The following CDC42BPA variants were observed in gnomAD, a reference collection of about 807,000 sequenced individuals.
CDC42BPA encodes the protein serine/threonine-protein kinase MRCK alpha.
CDC42BPA carries 80 observed loss-of-function variants against 223.5 expected under a neutral mutation model. The observed-to-expected ratio is 0.36, with a 90% confidence interval of 0.30 to 0.43. The LOEUF (loss-of-function observed/expected upper bound fraction) is 0.43, where lower values mean the gene tolerates loss of function less well. Among genes scored for constraint, CDC42BPA ranks in the 20% least tolerant of loss-of-function variants. The probability of loss-of-function intolerance (pLI) is 1.00; values close to 1 mark genes in which losing one functional copy is unlikely to be tolerated. For missense variants in CDC42BPA, 1,743 were observed against 2,099.9 expected, an observed-to-expected ratio of 0.83 and a Z score of 3.32; for synonymous variants, 694 against 718.6, an observed-to-expected ratio of 0.97 and a Z score of 0.55.
At chr1:227,110,061 T>C (rs1487671669) in intron 14 of CDC42BPA, among the ~76,000 whole-genome samples, 6 of 152,162 alleles carry the variant, frequency 3.9e-5, no homozygotes, top group South Asian at 2.1e-4. Flanking sequence ...AATCCACGAA[T>C]GCAGAACTCA....
chr1:227,068,719 C>G (rs766357168), intron 21 of CDC42BPA: 1 of 1,072,454 alleles, frequency 9.3e-7, no homozygotes, highest in South Asian at 1.8e-5. Context: ...ACGAATACAG[C>G]AATAAAAAAA....
At chr1:227,233,332 C>T (rs1189925817) in intron 2 of CDC42BPA, among the ~76,000 whole-genome samples, 1 of 152,046 alleles carries the variant, frequency 6.6e-6, no homozygotes, top group Non-Finnish European at 1.5e-5. Flanking sequence ...CCACCACGCC[C>T]GGCCTCTATT....
chr1:227,040,261 C>A (rs1348161611), intron 23 of CDC42BPA, 25 bp from the exon 24 acceptor site: 2 of 1,408,336 alleles, frequency 1.4e-6, no homozygotes, highest in East Asian at 2.3e-5. Context: ...GATAAAAAAA[C>A]ACACAGATTG....
intron 2 of CDC42BPA, among the ~76,000 whole-genome samples, chr1:227,228,829 T>G (rs558517277): frequency 6.6e-6 from 1 of 152,196 alleles, no homozygotes; most frequent in South Asian, 2.1e-4. Context: ...ATAACTTCTT[T>G]GGAGAAACAG....
At chr1:227,223,171 G>C (rs1479343791) in intron 2 of CDC42BPA, among the ~76,000 whole-genome samples, 5 of 149,382 alleles carry the variant, frequency 3.3e-5, no homozygotes, top group African/African-American at 1.2e-4. Flanking sequence ...CTTACACAGT[G>C]AACTCCAGAA....
intron 2 of CDC42BPA, among the ~76,000 whole-genome samples, chr1:227,230,645 TCTA>T (rs1344355961): frequency 6.6e-6 from 1 of 152,070 alleles, no homozygotes; most frequent in Non-Finnish European, 1.5e-5. Flanking sequence ...ACAGAGGAAT[TCTA>T]CTGATTTTTG....
intron 20 of CDC42BPA, 134 bp from the exon 21 acceptor site, chr1:227,069,987 C>G: frequency 3.8e-6 from 2 of 520,230 alleles, no homozygotes; most frequent in Non-Finnish European, 6.9e-6. Context: ...ATAATTAACT[C>G]TACATTTAAA....
At chr1:227,102,753 G>A (rs1383111815) in intron 14 of CDC42BPA, among the ~76,000 whole-genome samples, 1 of 152,012 alleles carries the variant, frequency 6.6e-6, no homozygotes, top group Non-Finnish European at 1.5e-5. Context: ...AGGTTTTATT[G>A]CAGACACCGA....
At chr1:227,191,967 A>AT (rs1553385738) in intron 5 of CDC42BPA, among the ~76,000 whole-genome samples, 4,490 of 40,758 alleles carry the variant, frequency 0.11, 189 homozygotes, top group African/African-American at 0.28. Context: ...AAAAATTTAA[A>AT]TTAAAAAAAA....
At chr1:227,226,446 G>C (rs1676879418) in intron 2 of CDC42BPA, among the ~76,000 whole-genome samples, 1 of 152,154 alleles carries the variant, frequency 6.6e-6, no homozygotes, top group Admixed American at 6.5e-5. Flanking sequence ...AGCTCAAACA[G>C]GATGCAATTA....
intron 1 of CDC42BPA, among the ~76,000 whole-genome samples, 156 bp downstream of exon 1, chr1:227,316,849 T>C (rs1264691386): frequency 1.3e-5 from 2 of 152,218 alleles, no homozygotes; most frequent in Non-Finnish European, 2.9e-5. Context: ...GGAAAATATT[T>C]ACCAAAAACT....
intron 2 of CDC42BPA, among the ~76,000 whole-genome samples, chr1:227,231,451 A>T (rs188690642): frequency 0.15 from 23,482 of 151,990 alleles, 2,237 homozygotes; most frequent in African/African-American, 0.25. Flanking sequence ...ATATGTGTGC[A>T]TGTGTCTTTA....
intron 23 of CDC42BPA, among the ~76,000 whole-genome samples, chr1:227,046,165 T>G (rs950600309): frequency 5.9e-5 from 9 of 152,080 alleles, no homozygotes; most frequent in African/African-American, 2.2e-4. Flanking sequence ...AATCTTAACA[T>G]TTTTAAGAGT....
At chr1:227,031,554 G>C in intron 27 of CDC42BPA, 40 bp from the exon 28 acceptor site, 1 of 1,511,344 alleles carries the variant, frequency 6.6e-7, no homozygotes, top group African/African-American at 1.4e-5. Context: ...TTAGAAAACA[G>C]ACACCCTTTA....
chr1:227,193,113 G>T (rs994228408), intron 5 of CDC42BPA, among the ~76,000 whole-genome samples: 1 of 135,548 alleles, frequency 7.4e-6, no homozygotes, highest in Admixed American at 8.1e-5. Context: ...CTGTCACCCA[G>T]GCTGGAGTGC....
At chr1:227,043,317 G>A (rs1427104342) in intron 23 of CDC42BPA, among the ~76,000 whole-genome samples, 2 of 151,534 alleles carry the variant, frequency 1.3e-5, no homozygotes, top group Middle Eastern at 3.2e-3. Context: ...GGAGGCTGAG[G>A]CAGGAGAACT....
In CDC42BPA at chr1:227,023,195, C is replaced by A. The variant is rs1462026984; in HGVS notation, c.4615+68G>T. 7 of 760,166 alleles carry A rather than the reference C, an allele frequency of 9.2e-6. No individual in the cohort carries two copies. In the African/African-American group the frequency reaches 1.3e-4, roughly 14 times the overall value. 47.1% of individuals were successfully genotyped at this position (760,166 alleles called of 1,614,324 possible). The stretch of plus-strand genomic sequence containing the variant: ...CTCTGGCACTTATTATTAATGTGAC[C>A]TTGGGCAGTTAGCTTAGAAATAATA... On this transcript the variant is annotated intron_variant, in intron 32 of 36. Coordinates refer to ENST00000366766, the MANE Select transcript of CDC42BPA (RefSeq NM_001394014.1).
intron 1 of CDC42BPA, among the ~76,000 whole-genome samples, chr1:227,308,211 A>G (rs868781356): frequency 2.6e-5 from 4 of 152,182 alleles, no homozygotes; most frequent in Non-Finnish European, 5.9e-5. Context: ...AAATTTTAAA[A>G]AGCAAAATGG....
intron 1 of CDC42BPA, among the ~76,000 whole-genome samples, chr1:227,258,833 G>A (rs1317560115): frequency 6.7e-6 from 1 of 150,066 alleles, no homozygotes; most frequent in Non-Finnish European, 1.5e-5. Context: ...CACACTCTAT[G>A]ATTAAAATAA....
Sources: gnomAD v4.1 joint callset for allele counts (sites outside exome capture counted in the v4.1 genomes callset) on GRCh38, gnomAD v4.1.1 for gene constraint, MANE v1.5 for transcripts, NCBI Gene and HGNC (gene_info 2026-07-23, HGNC 2026-07-21) for gene names.